Variants in PER2 observed in about 807,000 individuals in gnomAD.
PER2 encodes period circadian protein homolog 2.
Under a neutral mutation model 121.0 loss-of-function variants are expected in PER2, and 66 were observed. The ratio of observed to expected loss-of-function variants is 0.55; its 90% CI spans 0.45 to 0.67. PER2 has a LOEUF of 0.67. Among genes scored for constraint, PER2 ranks in the 30% least tolerant of loss-of-function variants. The pLI is 0.00. For missense variants in PER2, 1,521 were observed against 1,635.0 expected, an observed-to-expected ratio of 0.93 and a Z score of 1.20; for synonymous variants, 684 against 659.9, an observed-to-expected ratio of 1.04 and a Z score of -0.56.
chr2:238,246,605 G>A (rs539672876), intron 22 of PER2, 81 bp from the exon 23 acceptor site: 103 of 965,292 alleles, frequency 1.1e-4, no homozygotes, highest in Admixed American at 2.2e-4. Context: ...GGCCGGGCGC[G>A]GTGGCTCACG....
At chr2:238,271,914 T>G (rs950166276) in intron 5 of PER2, among the ~76,000 whole-genome samples, 28 of 146,374 alleles carry the variant, frequency 1.9e-4, no homozygotes, top group Non-Finnish European at 1.7e-4. Flanking sequence ...TAACCTCCCC[T>G]CCTCCCAGAG....
intron 12 of PER2, chr2:238,261,489 T>C: frequency 1.7e-6 from 1 of 573,980 alleles, no homozygotes; most frequent in Non-Finnish European, 3.2e-6. Flanking sequence ...GTCCTTCAGC[T>C]ACTCACTCAG....
rs1695679879 is a variant in PER2, at chr2:238,253,658, T to C, written c.2365A>G (p.Lys789Glu). Residue 789 changes from lysine (K) to glutamate (E), a missense_variant, in exon 19 of 23, where the codon AAA becomes GAA. Physicochemically the swap from Lys to Glu is moderately conservative, Grantham distance 56 (BLOSUM62 1). Coordinates refer to ENST00000254657, the MANE Select transcript of PER2 (RefSeq NM_022817.3). This position sits in a 1 kb window ranked among gnomAD's most constrained non-coding sequence, Gnocchi z 5.6. ...AATTTTCTGTTCTTTCCTGTTTTTT[T>C]CCAAGGTGAATCTATTCCGGAAGTA... ...RNTSGIDSPW[K>E]KTGKNRKLKS... 5 of 1,609,378 alleles carry C rather than the reference T, an allele frequency of 3.1e-6. No homozygotes were observed. Among genetic ancestry groups the C allele is most frequent in the East Asian group, 2.2e-5 (1 of 44,844 alleles).
intron 1 of PER2, among the ~76,000 whole-genome samples, chr2:238,284,339 G>A (rs1161079089): frequency 1.3e-5 from 2 of 151,888 alleles, no homozygotes; most frequent in Non-Finnish European, 2.9e-5. Context: ...CTACCTGGGA[G>A]GCTGAGACAG....
chr2:238,266,946 G>T (rs1002689252), intron 8 of PER2, among the ~76,000 whole-genome samples: 3 of 151,924 alleles, frequency 2.0e-5, no homozygotes, highest in African/African-American at 7.3e-5. Flanking sequence ...GTACTTGGGA[G>T]GCTGAGGCAG....
intron 9 of PER2, among the ~76,000 whole-genome samples, chr2:238,264,945 A>G (rs1458644842): frequency 6.6e-6 from 1 of 152,172 alleles, no homozygotes; most frequent in Admixed American, 6.5e-5. Flanking sequence ...TAGCCGGCCC[A>G]AGTGTTTTTG....
At chr2:238,280,836 A>G (rs936778996) in intron 1 of PER2, among the ~76,000 whole-genome samples, 7 of 152,176 alleles carry the variant, frequency 4.6e-5, no homozygotes, top group Admixed American at 4.6e-4. Flanking sequence ...AAAGGACAAG[A>G]GTCCAACGCC....
upstream of PER2, among the ~76,000 whole-genome samples, chr2:238,290,533 T>G (rs1374877373): frequency 6.6e-6 from 1 of 152,210 alleles, no homozygotes; most frequent in Non-Finnish European, 1.5e-5. Context: ...CCTCCCTAAA[T>G]GTAGCCTTTT....
chr2:238,288,047 C>A (rs1242641165), intron 1 of PER2, among the ~76,000 whole-genome samples: 1 of 152,170 alleles, frequency 6.6e-6, no homozygotes. Context: ...CCTGGCTTGG[C>A]ACCGGGACTT....
In PER2 at chr2:238,285,882, C is replaced by G. The variant is rs191100915; in HGVS notation, c.-20+2467G>C. Among the ~76,000 whole-genome samples, 70 of 140,192 alleles carry G rather than the reference C, an allele frequency of 5.0e-4. 1 individual carries two copies. Among genetic ancestry groups the G allele is most frequent in the Admixed American group, 2.5e-3 (33 of 13,214 alleles). The allele number at this position is 140,192 out of a possible 152,430, so 92.0% of individuals were successfully genotyped here. A position where few individuals can be genotyped will look rare whatever the true frequency, so the allele number is the denominator to read the frequency against. ...AACCCCAAATATTCTAACATGTTTT[C>G]TACTTCCTGGTAGGAGCCAACTCCC... On this transcript the variant is annotated intron_variant, in intron 1 of 22. Transcript: ENST00000254657.
chr2:238,283,110 T>C (rs1216239635), intron 1 of PER2, among the ~76,000 whole-genome samples: 1 of 152,186 alleles, frequency 6.6e-6, no homozygotes, highest in East Asian at 1.9e-4. Context: ...ATGAGGCAGC[T>C]GGATAGGAGG....
At chr2:238,280,311 A>G (rs528899037) in intron 1 of PER2, among the ~76,000 whole-genome samples, 98 of 152,346 alleles carry the variant, frequency 6.4e-4, no homozygotes, top group African/African-American at 2.1e-3. Context: ...CTCATGGAGA[A>G]TCCACCCACA....
Position 238,286,514 on chromosome 2 carries a change from C to A in PER2, c.-20+1835G>T, listed in dbSNP as rs141914682. Among the ~76,000 whole-genome samples, 346 of 150,580 alleles carry A rather than the reference C, an allele frequency of 2.3e-3. 1 individual carries two copies. Among genetic ancestry groups the A allele is most frequent in the African/African-American group, 8.1e-3 (330 of 40,932 alleles). Reference sequence around the variant, plus strand: ...AGGGCCTGGTCCCTAGGGGGGAGTGCGTGGGCTGGGGGAGGGGTCCATCAG... The same window carrying A: ...AGGGCCTGGTCCCTAGGGGGGAGTGAGTGGGCTGGGGGAGGGGTCCATCAG... On this transcript the variant is annotated intron_variant, in intron 1 of 22. Coordinates refer to ENST00000254657, the MANE Select transcript of PER2 (RefSeq NM_022817.3).
the PER2 span, chr2:238,298,896 A>G: frequency 6.6e-6 from 1 of 152,238 alleles, no homozygotes; most frequent in Non-Finnish European, 1.5e-5. Context: ...TGCCAACCTA[A>G]GACAAACTTT....
At chr2:238,266,858 T>C (rs1574851350) in intron 8 of PER2, among the ~76,000 whole-genome samples, 1 of 151,622 alleles carries the variant, frequency 6.6e-6, no homozygotes, top group African/African-American at 2.4e-5. Context: ...GGCAACACAG[T>C]GAAACCCCGT....
At chr2:238,272,933 C>T in intron 5 of PER2, 137 bp downstream of exon 5, 1 of 787,146 alleles carries the variant, frequency 1.3e-6, no homozygotes, top group Admixed American at 1.9e-5. Context: ...TCACATTCTT[C>T]CTTTTAAAGG....
intron 10 of PER2, 130 bp downstream of exon 10, chr2:238,262,822 C>T (rs915299582): frequency 1.8e-5 from 13 of 711,482 alleles, no homozygotes; most frequent in Admixed American, 1.0e-4. Flanking sequence ...GGCGGCGAGG[C>T]GGGCGTCTAC....
chr2:238,278,799 G>T (rs1436805848), intron 1 of PER2, among the ~76,000 whole-genome samples: 1 of 152,084 alleles, frequency 6.6e-6, no homozygotes. Flanking sequence ...GGGATCCCAG[G>T]CCCCACAAGC....
At chr2:238,259,060 C>G (rs889894801) in intron 14 of PER2, among the ~76,000 whole-genome samples, 13 of 152,224 alleles carry the variant, frequency 8.5e-5, no homozygotes, top group Admixed American at 8.5e-4. Context: ...ACTGCCTGCT[C>G]ACTGTGCTGC....
Sources: allele counts gnomAD v4.1 joint callset (sites outside exome capture counted in the v4.1 genomes callset), GRCh38; gene constraint gnomAD v4.1.1; non-coding constraint Gnocchi (gnomAD v3.1); transcripts MANE v1.5; gene names NCBI Gene and HGNC (gene_info 2026-07-23, HGNC 2026-07-21).